The following ADAM11 variants were observed in gnomAD, a reference collection of about 807,000 sequenced individuals.
The protein encoded by ADAM11 is disintegrin and metalloproteinase domain-containing protein 11.
ADAM11 carries 49 observed loss-of-function variants against 119.1 expected under a neutral mutation model. The observed-to-expected ratio is 0.41, with a 90% CI of 0.33 to 0.52. The LOEUF (loss-of-function observed/expected upper bound fraction) is 0.52. Ranked by LOEUF, ADAM11 falls within the 20% of genes least tolerant of loss-of-function variation. The pLI, the probability that ADAM11 is intolerant of heterozygous loss-of-function variation, is 0.20. For synonymous variants in ADAM11, 364 were observed against 408.0 expected (o/e 0.89, Z 1.30); for missense variants, 777 against 1,047.5 (o/e 0.74, Z 3.56).
intron 2 of ADAM11, among the ~76,000 whole-genome samples, chr17:44,760,124 A>G (rs546412158): frequency 6.4e-4 from 97 of 152,330 alleles, no homozygotes; most frequent in Non-Finnish European, 1.3e-3. Flanking sequence ...CTCAGTGTAC[A>G]GGGACCACTA....
At chr17:44,765,610 C>CTCTTT (rs2049439181) in intron 2 of ADAM11, among the ~76,000 whole-genome samples, 1 of 99,876 alleles carries the variant, frequency 1.0e-5, no homozygotes, top group Non-Finnish European at 1.8e-5. Context: ...TTTCTTTTCT[C>CTCTTT]TTTTTTTTTT....
Position 44,781,087 on chromosome 17 carries a change from A to G in ADAM11, c.*1333A>G, listed in dbSNP as rs1359272076. 2 of 152,152 alleles carry G rather than the reference A, an allele frequency of 1.3e-5. No homozygotes were observed. The highest frequency in any genetic ancestry group is 2.9e-5 in the Non-Finnish European group (2 of 68,050). The allele number at this position is 152,152 out of a possible 1,614,324, so 9.4% of individuals were successfully genotyped here. On this transcript the variant is annotated 3_prime_UTR_variant, in exon 27 of 27. Transcript: ENST00000200557. ...GGGGCAAGATGGGGGCCAGCTACCT[A>G]ATGGATGAAAGCCACAAGTGAATAC...
chr17:44,778,065 A>C lies in ADAM11; in HGVS notation c.2184A>C (p.Lys728Asn), dbSNP rs779292297. Residue 728 changes from lysine (K) to asparagine (N), a missense_variant and splice_region_variant, in exon 24 of 27, where the codon AAA (lysine) becomes AAC (asparagine). Around this residue, in one of 4 missense-constraint regions of ADAM11, gnomAD observed 348 missense variants for 486.7 expected, o/e 0.72. Coordinates refer to ENST00000200557, the MANE Select transcript of ADAM11 (RefSeq NM_002390.6). ...SPPTGETERY[K>N]GPSGTNIIIG... ...CCACGGGGGAGACGGAGAGATATAA[A>C]GGTGAGGCTGGAGCTGGCCGAGGGG... 1.2e-6 allele frequency: 2 copies of C among 1,612,632 alleles called. No individual in the cohort carries two copies. The highest frequency in any genetic ancestry group is 1.7e-6 in the Non-Finnish European group (2 of 1,179,094).
At chr17:44,769,630 C>G (rs990622083) in intron 2 of ADAM11, 88 bp from the exon 3 acceptor site, 3 of 825,562 alleles carry the variant, frequency 3.6e-6, no homozygotes, top group Non-Finnish European at 2.0e-6. Context: ...CACCCCTTCC[C>G]CAGGGCTACT....
At position 44,779,835 on chromosome 17, in the gene ADAM11, G is replaced by A. The variant is rs773384419; in HGVS notation, c.*81G>A. On this transcript the variant is annotated 3_prime_UTR_variant, in exon 27 of 27. Coordinates refer to ENST00000200557, the MANE Select transcript of ADAM11 (RefSeq NM_002390.6). Reference sequence around the variant, plus strand: ...GGCTGCCCCCATCCAGCCACGGAGGGAGGCACCATGCAAATGTCTTCCAGG... The same window carrying A: ...GGCTGCCCCCATCCAGCCACGGAGGAAGGCACCATGCAAATGTCTTCCAGG... 4 of 1,558,456 alleles carry A rather than the reference G, an allele frequency of 2.6e-6. No individual in the cohort carries two copies. The highest frequency in any genetic ancestry group is 3.5e-6 in the Non-Finnish European group (4 of 1,132,612).
chr17:44,772,781 G>A lies in ADAM11; in HGVS notation c.679-76G>A, dbSNP rs531467805. 11 of 1,367,610 alleles carry A rather than the reference G, an allele frequency of 8.0e-6. No individual in the cohort carries two copies. Among genetic ancestry groups the A allele is most frequent in the Admixed American group, 3.5e-5 (2 of 57,016 alleles). The allele number at this position is 1,367,610 out of a possible 1,614,324, so 84.7% of individuals were successfully genotyped here. A position where few individuals can be genotyped will look rare whatever the true frequency, so the allele number is the denominator to read the frequency against. ...GAGTCCAGACCCCCCCATCCCCACC[G>A]AGTCTGTTCCTGGCTTGGCCATGAG... On this transcript the variant is annotated intron_variant, in intron 8 of 26. Transcript: ENST00000200557. This position sits in a 1 kb window ranked among gnomAD's most constrained non-coding sequence, Gnocchi z 4.5.
chr17:44,774,490 A>G lies in ADAM11; in HGVS notation c.1078-2A>G. ...TCTGTGCCCCATCTTCCCCACCCCC[A>G]GTACGGCAACATGGGGGCGATGGCC... On this transcript the variant is annotated splice_acceptor_variant, in intron 12 of 26. Coordinates refer to ENST00000200557, the MANE Select transcript of ADAM11 (RefSeq NM_002390.6). LOFTEE classifies it high-confidence loss of function. The G allele has an allele frequency of 6.2e-7, 1 of 1,612,726 alleles. No homozygotes were observed.
intron 4 of ADAM11, among the ~76,000 whole-genome samples, chr17:44,771,117 AAAATAAAT>A (rs889269164): frequency 2.0e-5 from 3 of 151,992 alleles, no homozygotes; most frequent in Non-Finnish European, 4.4e-5. Context: ...TCCGTCTCAA[AAAATAAAT>A]AAATAAATAA....
intron 25 of ADAM11, among the ~76,000 whole-genome samples, chr17:44,778,685 C>T (rs568548657): frequency 4.7e-5 from 1 of 21,188 alleles, no homozygotes; most frequent in Non-Finnish European, 7.6e-5. Flanking sequence ...AGCAAGACTG[C>T]GTCAAAAAAA....
chr17:44,759,310 G>A, intron 1 of ADAM11, 50 bp downstream of exon 1: 1 of 1,347,286 alleles, frequency 7.4e-7, no homozygotes, highest in Non-Finnish European at 9.5e-7. Flanking sequence ...CCCCGCCCCG[G>A]GATGTGCGGC....
intron 2 of ADAM11, among the ~76,000 whole-genome samples, chr17:44,764,743 C>T (rs1598883249): frequency 6.6e-6 from 1 of 152,146 alleles, no homozygotes; most frequent in East Asian, 1.9e-4. Flanking sequence ...TGGGGATGCT[C>T]ATAGTCTCCA....
At chr17:44,778,550 G>C (rs1485447777) in intron 25 of ADAM11, among the ~76,000 whole-genome samples, 1 of 151,916 alleles carries the variant, frequency 6.6e-6, no homozygotes, top group East Asian at 1.9e-4. Flanking sequence ...AAATTAGCCA[G>C]CCATGGTGGT....
At position 44,775,002 on chromosome 17, in the gene ADAM11, C is replaced by T. The variant is rs773506528; in HGVS notation, c.1221-210C>T. On this transcript the variant is annotated intron_variant, in intron 14 of 26. Coordinates refer to ENST00000200557, the MANE Select transcript of ADAM11 (RefSeq NM_002390.6). This position sits in a 1 kb window ranked among gnomAD's most constrained non-coding sequence, Gnocchi z 7.5. Reference sequence around the variant, plus strand: ...CCCAAGCCTCGCATGGAGACACCTTCCCTCCAGCGCGGCTGCGAGTCCCCA... The same window carrying T: ...CCCAAGCCTCGCATGGAGACACCTTTCCTCCAGCGCGGCTGCGAGTCCCCA... Among the ~76,000 whole-genome samples the T allele has an allele frequency of 4.3e-4, 65 of 152,256 alleles. 1 individual carries two copies. Among genetic ancestry groups the T allele is most frequent in the Non-Finnish European group, 8.7e-4 (59 of 68,050 alleles).
At chr17:44,767,345 AC>A in intron 2 of ADAM11, among the ~76,000 whole-genome samples, 1 of 121,022 alleles carries the variant, frequency 8.3e-6, no homozygotes, top group Non-Finnish European at 1.6e-5. Flanking sequence ...ATAGAGTGAG[AC>A]TCCATCTCAA....
At chr17:44,767,736 T>A (rs1372718757) in intron 2 of ADAM11, among the ~76,000 whole-genome samples, 1 of 152,150 alleles carries the variant, frequency 6.6e-6, no homozygotes, top group Non-Finnish European at 1.5e-5. Flanking sequence ...CTGCACCAGA[T>A]GGGGAAGTGG....
At position 44,776,946 on chromosome 17, in the gene ADAM11, G is replaced by T; in HGVS notation, c.1665G>T (p.Gln555His). ...GRCKTRDRQC[Q>H]VLWGHAAADR... Reference sequence around the variant, plus strand: ...GCAAAACCCGGGACCGGCAGTGCCAGGTTCTTTGGGGCCATGGTGAGTCTG... The same window carrying T: ...GCAAAACCCGGGACCGGCAGTGCCATGTTCTTTGGGGCCATGGTGAGTCTG... Residue 555 changes from glutamine to histidine, a missense_variant, in exon 20 of 27, where the codon CAG becomes CAT. This residue lies in a region of ADAM11 where 348 missense variants were observed against 486.7 expected (regional missense o/e 0.72). Coordinates refer to ENST00000200557, the MANE Select transcript of ADAM11 (RefSeq NM_002390.6). The surrounding 1 kb of genome is among the most constrained non-coding windows in gnomAD (Gnocchi z 5.2). 6.2e-7 allele frequency: 1 copy of T among 1,612,828 alleles called. No individual in the cohort carries two copies. The highest frequency in any genetic ancestry group is 8.5e-7 in the Non-Finnish European group (1 of 1,178,952).
Position 44,774,335 on chromosome 17 carries a change from G to C in ADAM11, c.1033G>C (p.Val345Leu), listed in dbSNP as rs777900903. The C allele has an allele frequency of 3.4e-6, 5 of 1,481,184 alleles. No homozygotes were observed. The East Asian group carries it at 1.2e-4, about 37-fold the overall frequency. The allele number at this position is 1,481,184 out of a possible 1,614,324, so 91.8% of individuals were successfully genotyped here. A position where few individuals can be genotyped will look rare whatever the true frequency, so the allele number is the denominator to read the frequency against. The change falls in exon 12 of 27, where the codon GTG becomes CTG. Residue 345 changes from valine to leucine, a missense_variant. By Grantham distance (32) the Val-to-Leu change is conservative. Coordinates refer to ENST00000200557, the MANE Select transcript of ADAM11 (RefSeq NM_002390.6). ...GAGCACGAGCAGCGGGGCAGCCTAC[G>C]TGGGGGGCATATGCTCCCTGTCCCA... The part of the protein sequence containing the change: ...FQSTSSGAAY[V>L]GGICSLSHGG...
At chr17:44,765,452 T>C (rs1409887869) in intron 2 of ADAM11, among the ~76,000 whole-genome samples, 1 of 152,146 alleles carries the variant, frequency 6.6e-6, no homozygotes, top group Non-Finnish European at 1.5e-5. Flanking sequence ...TCACAGTAGG[T>C]GATCCAAAGG....
rs2049573573 is a variant in ADAM11, at chr17:44,774,597, AGGCCCCCGTGT to A, written c.1168+21_1168+31del. On this transcript the variant is annotated intron_variant, in intron 13 of 26. Coordinates refer to ENST00000200557, the MANE Select transcript of ADAM11 (RefSeq NM_002390.6). ...GAGCTCGGCAGGTATCCTCCCCCAGAGGCCCCCGTGTGGCCCACGCCCAGCAGCTCTGGAAC... is the reference window on the plus strand; with the variant it reads ...GAGCTCGGCAGGTATCCTCCCCCAGAGGCCCACGCCCAGCAGCTCTGGAAC... 6.2e-7 allele frequency: 1 copy of A among 1,610,544 alleles called. No individual in the cohort carries two copies. Among genetic ancestry groups the A allele is most frequent in the African/African-American group, 1.3e-5 (1 of 74,880 alleles).
Sources: gnomAD v4.1 joint callset for allele counts (sites outside exome capture counted in the v4.1 genomes callset) on GRCh38, gnomAD v4.1.1 for gene constraint, gnomAD v4.1.1 regional missense constraint, Gnocchi (gnomAD v3.1) non-coding constraint, MANE v1.5 for transcripts, NCBI Gene and HGNC (gene_info 2026-07-23, HGNC 2026-07-21) for gene names.